SLC71A2: variants seen among roughly 807,000 people sequenced by gnomAD.
The protein encoded by SLC71A2 is hippocampus abundant transcript-like 1.
chr9:94,406,604 C>G, the SLC71A2 span, among the ~76,000 whole-genome samples: 1 of 152,156 alleles, frequency 6.6e-6, no homozygotes, highest in Non-Finnish European at 1.5e-5. Flanking sequence ...AATTCCTGAG[C>G]TCATGCTGTC....
the SLC71A2 span, among the ~76,000 whole-genome samples, chr9:94,380,926 T>C: frequency 9.9e-5 from 11 of 110,770 alleles, no homozygotes; most frequent in African/African-American, 3.7e-4. Context: ...ATAATCAAGA[T>C]AGTAAACATA....
the SLC71A2 span, among the ~76,000 whole-genome samples, chr9:94,402,826 A>G: frequency 0.2 from 30,180 of 152,080 alleles, 3,197 homozygotes; most frequent in Middle Eastern, 0.28. Context: ...CTAGAAGCTA[A>G]TAGTTTTGCA....
chr9:94,383,018 T>C, the SLC71A2 span, among the ~76,000 whole-genome samples: 5 of 152,100 alleles, frequency 3.3e-5, no homozygotes, highest in Middle Eastern at 3.2e-3. Context: ...GGAAGCTTTA[T>C]AGTTTTAGAT....
the SLC71A2 span, among the ~76,000 whole-genome samples, chr9:94,408,875 T>C: frequency 9.1e-3 from 1,347 of 147,790 alleles, 23 homozygotes; most frequent in African/African-American, 0.032. Context: ...CCAGGCTGGA[T>C]TGCAGTGGCA....
At chr9:94,441,468 G>A in the SLC71A2 span, among the ~76,000 whole-genome samples, 1 of 152,298 alleles carries the variant, frequency 6.6e-6, no homozygotes, top group South Asian at 2.1e-4. Context: ...AAGGAAGGTG[G>A]TGCTAAGCCA....
the SLC71A2 span, among the ~76,000 whole-genome samples, chr9:94,388,996 T>A: frequency 6.6e-6 from 1 of 152,084 alleles, no homozygotes; most frequent in South Asian, 2.1e-4. Flanking sequence ...AGGATCCCCC[T>A]TTTGTGTGAG....
At chr9:94,449,821 C>T in the SLC71A2 span, among the ~76,000 whole-genome samples, 1 of 152,236 alleles carries the variant, frequency 6.6e-6, no homozygotes, top group Non-Finnish European at 1.5e-5. Context: ...ACTCAAATGT[C>T]TATCAGCTAA....
the SLC71A2 span, among the ~76,000 whole-genome samples, chr9:94,449,064 T>C: frequency 2.0e-5 from 3 of 152,218 alleles, no homozygotes; most frequent in Non-Finnish European, 2.9e-5. Context: ...CATATGCATT[T>C]AACACAGAAA....
the SLC71A2 span, among the ~76,000 whole-genome samples, chr9:94,431,291 C>T: frequency 4.7e-5 from 7 of 148,498 alleles, no homozygotes; most frequent in Admixed American, 2.7e-4. Context: ...CCAGCCTGGG[C>T]GACGGAGCGA....
At chr9:94,440,678 G>GC in the SLC71A2 span, among the ~76,000 whole-genome samples, 1 of 151,710 alleles carries the variant, frequency 6.6e-6, no homozygotes, top group Non-Finnish European at 1.5e-5. Flanking sequence ...TATTTGAGAA[G>GC]TTTTTTTTCT....
the SLC71A2 span, among the ~76,000 whole-genome samples, chr9:94,453,160 T>A: frequency 6.6e-6 from 1 of 151,100 alleles, no homozygotes; most frequent in Admixed American, 6.6e-5. Context: ...TTTTTTTTTT[T>A]TTTTTTTGAC....
At chr9:94,403,328 G>C in the SLC71A2 span, among the ~76,000 whole-genome samples, 1 of 151,750 alleles carries the variant, frequency 6.6e-6, no homozygotes, top group Non-Finnish European at 1.5e-5. Flanking sequence ...AGTAGAGACG[G>C]GTTTGCACCA....
At chr9:94,452,275 GAAGAA>G in the SLC71A2 span, among the ~76,000 whole-genome samples, 1 of 152,162 alleles carries the variant, frequency 6.6e-6, no homozygotes, top group Non-Finnish European at 1.5e-5. Context: ...TCCCAGGACT[GAAGAA>G]ATATGAATCA....
the SLC71A2 span, among the ~76,000 whole-genome samples, chr9:94,392,283 G>T: frequency 6.6e-6 from 1 of 150,732 alleles, no homozygotes; most frequent in Admixed American, 6.6e-5. Context: ...ATTGATACTT[G>T]TTCTTGATCC....
chr9:94,400,219 A>G, the SLC71A2 span, among the ~76,000 whole-genome samples: 1 of 150,322 alleles, frequency 6.7e-6, no homozygotes, highest in South Asian at 2.1e-4. Context: ...ATGTACCGAA[A>G]AAAGGAATGT....
chr9:94,410,533 A>G, the SLC71A2 span, among the ~76,000 whole-genome samples: 1 of 152,014 alleles, frequency 6.6e-6, no homozygotes, highest in African/African-American at 2.4e-5. Flanking sequence ...GCTGAGAATG[A>G]TAATTTGATG....
At chr9:94,389,890 T>C in the SLC71A2 span, among the ~76,000 whole-genome samples, 4 of 151,554 alleles carry the variant, frequency 2.6e-5, 1 homozygote, top group Non-Finnish European at 1.5e-5. Context: ...TTACAGGCAT[T>C]AGCCACCATG....
the SLC71A2 span, among the ~76,000 whole-genome samples, chr9:94,412,527 A>G: frequency 5.9e-5 from 9 of 152,036 alleles, no homozygotes; most frequent in African/African-American, 1.7e-4. Flanking sequence ...TTGTACATCA[A>G]TGTTTATAGC....
At chr9:94,460,950 G>A in the SLC71A2 span, 1 of 151,812 alleles carries the variant, frequency 6.6e-6, no homozygotes, top group African/African-American at 2.4e-5. Flanking sequence ...AAAGCAAATA[G>A]TATTGCTCTT....
Sources: gnomAD v4.1 joint callset for allele counts (sites outside exome capture counted in the v4.1 genomes callset) on GRCh38, gnomAD v4.1.1 for gene constraint, MANE v1.5 for transcripts, NCBI Gene and HGNC (gene_info 2026-07-23, HGNC 2026-07-21) for gene names.